XG: variants seen among roughly 807,000 people sequenced by gnomAD.
XG encodes the protein glycoprotein Xg.
Under a neutral mutation model 25.7 loss-of-function variants are expected in XG, and 24 were observed. The observed-to-expected ratio is 0.93, with a 90% CI of 0.68 to 1.31. The LOEUF (loss-of-function observed/expected upper bound fraction) is 1.31. Among genes scored for constraint, XG ranks in the 40% most tolerant of loss-of-function variants. XG has a pLI of 0.00. For missense variants in XG, 181 were observed against 187.6 expected, an observed-to-expected ratio of 0.96 and a Z score of 0.21; for synonymous variants, 77 against 69.2, an observed-to-expected ratio of 1.11 and a Z score of -0.56.
At chrX:2,774,256 T>C (rs925668368) in intron 2 of XG, among the ~76,000 whole-genome samples, 2 of 152,142 alleles carry the variant, frequency 1.3e-5, no homozygotes, top group African/African-American at 2.4e-5. Context: ...AGTCACAGGC[T>C]GCACCCTGAG....
At chrX:2,776,728 G>C (rs1436859746) in intron 3 of XG, among the ~76,000 whole-genome samples, 1 of 152,148 alleles carries the variant, frequency 6.6e-6, no homozygotes, top group African/African-American at 2.4e-5. Flanking sequence ...GGCGCCTGTA[G>C]TCTCAGCTAC....
At chrX:2,768,788 A>G in intron 1 of XG, among the ~76,000 whole-genome samples, 1 of 152,314 alleles carries the variant, frequency 6.6e-6, no homozygotes, top group Admixed American at 6.5e-5. Flanking sequence ...AAACAAAAAG[A>G]AAACAACAAT....
intron 4 of XG, among the ~76,000 whole-genome samples, chrX:2,787,646 C>A (rs1439465350): frequency 9.0e-6 from 1 of 111,202 alleles, no homozygotes; most frequent in Non-Finnish European, 1.9e-5. Flanking sequence ...GTGGCTCATG[C>A]CTGTAATCCC....
chrX:2,807,996 A>G (rs762555155), intron 8 of XG, among the ~76,000 whole-genome samples, 189 bp from the exon 9 acceptor site: 1 of 111,523 alleles, frequency 9.0e-6, no homozygotes, highest in South Asian at 3.8e-4. Flanking sequence ...ACCATTAGAC[A>G]TGGCATACAC....
chrX:2,798,555 G>C (rs1445350299), intron 7 of XG, among the ~76,000 whole-genome samples: 1 of 110,435 alleles, frequency 9.1e-6, no homozygotes, highest in African/African-American at 3.3e-5. Flanking sequence ...TTTTTTAGTA[G>C]AGACAGGGTT....
At chrX:2,764,901 C>T (rs1041263356) in intron 1 of XG, among the ~76,000 whole-genome samples, 8 of 149,564 alleles carry the variant, frequency 5.3e-5, no homozygotes, top group African/African-American at 1.7e-4. Context: ...ATTACCTGGG[C>T]GTAGTGGCAT....
At chrX:2,774,262 C>G (rs1298539252) in intron 2 of XG, among the ~76,000 whole-genome samples, 4 of 152,170 alleles carry the variant, frequency 2.6e-5, no homozygotes, top group African/African-American at 7.2e-5. Context: ...AGGCTGCACC[C>G]TGAGCACTCC....
rs2086734132 is a variant in XG at position 2,782,050 on chromosome X, G to A, written c.128-16G>A. ...CAATTTTCTTTTCTAACAGTGCAAT[G>A]TTGTTTCCTCCACAGATATCTACCC... On this transcript the variant is annotated splice_polypyrimidine_tract_variant and intron_variant, in intron 3 of 10. Transcript: ENST00000644266. 1 of 1,209,279 alleles carries A rather than the reference G, an allele frequency of 8.3e-7. No homozygotes were observed. Among genetic ancestry groups the A allele is most frequent in the Non-Finnish European group, 1.1e-6 (1 of 893,444 alleles).
chrX:2,791,410 A>G (rs780738835), intron 5 of XG, among the ~76,000 whole-genome samples: 1 of 111,325 alleles, frequency 9.0e-6, no homozygotes, highest in East Asian at 2.8e-4. Flanking sequence ...ATCCAAGGAA[A>G]CAAGCTTTGG....
intron 7 of XG, among the ~76,000 whole-genome samples, chrX:2,804,559 A>G (rs1461621934): frequency 1.8e-5 from 2 of 111,235 alleles, no homozygotes; most frequent in Admixed American, 9.6e-5. Flanking sequence ...CCACACCCCT[A>G]CAGCCTACGA....
chrX:2,789,515 T>C, intron 4 of XG, 129 bp from the exon 5 acceptor site: 1 of 384,845 alleles, frequency 2.6e-6, no homozygotes, highest in Non-Finnish European at 4.6e-6. Flanking sequence ...ATTGTCTACA[T>C]GATTAATAAG....
chrX:2,813,602 G>A (rs1166554809), intron 10 of XG, among the ~76,000 whole-genome samples: 1 of 112,473 alleles, frequency 8.9e-6, no homozygotes. Context: ...TGTACCTGCT[G>A]AGGCCATACA....
chrX:2,756,819 G>A (rs2050445785), intron 1 of XG, among the ~76,000 whole-genome samples: 1 of 152,194 alleles, frequency 6.6e-6, no homozygotes, highest in Admixed American at 6.5e-5. Context: ...GCTAGTGTGA[G>A]TGTTTTTGAG....
At chrX:2,768,548 A>C (rs1233202864) in intron 1 of XG, among the ~76,000 whole-genome samples, 1 of 152,186 alleles carries the variant, frequency 6.6e-6, no homozygotes, top group Non-Finnish European at 1.5e-5. Flanking sequence ...CAGGTGGGTC[A>C]CTTGAGGTCA....
At chrX:2,794,797 G>A (rs1370304969) in intron 6 of XG, among the ~76,000 whole-genome samples, 194 bp downstream of exon 6, 3 of 112,063 alleles carry the variant, frequency 2.7e-5, no homozygotes, top group African/African-American at 9.7e-5. Context: ...GCATCTGTCC[G>A]CCTCTCCAGG....
At position 2,776,739 on chromosome X, in the gene XG, T is replaced by G. The variant is rs183364173; in HGVS notation, c.127+2000T>G. 5.9e-5 allele frequency among the ~76,000 whole-genome samples: 9 copies of G among 152,102 alleles called. 1 individual carries two copies. The highest frequency in any genetic ancestry group is 5.9e-4 in the Admixed American group (9 of 15,270). On this transcript the variant is annotated intron_variant, in intron 3 of 10. Coordinates refer to ENST00000644266, the MANE Select transcript of XG (RefSeq NM_001141919.2). The stretch of plus-strand genomic sequence containing the variant: ...GGCGGGCGCCTGTAGTCTCAGCTAC[T>G]TGGGAGGCTGAGGCAGGAGAATGGC...
intron 3 of XG, among the ~76,000 whole-genome samples, chrX:2,778,797 G>C (rs924598205): frequency 2.7e-5 from 4 of 146,144 alleles, no homozygotes; most frequent in African/African-American, 1.0e-4. Flanking sequence ...TTTTTGAGAT[G>C]GAGTCTCGCT....
intron 4 of XG, among the ~76,000 whole-genome samples, chrX:2,783,018 TTA>T (rs1301828993): frequency 2.7e-5 from 3 of 111,267 alleles, no homozygotes; most frequent in Non-Finnish European, 5.7e-5. Flanking sequence ...ATGGAGTTGG[TTA>T]GGTCTGACCT....
At chrX:2,776,709 A>T (rs311163) in intron 3 of XG, among the ~76,000 whole-genome samples, 1 of 152,130 alleles carries the variant, frequency 6.6e-6, no homozygotes, top group African/African-American at 2.4e-5. Flanking sequence ...TTTGCCAGGC[A>T]TGGTGGCGGG....
Sources: allele counts gnomAD v4.1 joint callset (sites outside exome capture counted in the v4.1 genomes callset), GRCh38; gene constraint gnomAD v4.1.1; transcripts MANE v1.5; gene names NCBI Gene and HGNC (gene_info 2026-07-23, HGNC 2026-07-21).